The following ANKS1B variants were observed in gnomAD, a reference collection of about 807,000 sequenced individuals.
ANKS1B encodes the protein ankyrin repeat and sterile alpha motif domain containing 1B, also known as ankyrin repeat and sterile alpha motif domain-containing protein 1B.
Under a neutral mutation model 148.3 loss-of-function variants are expected in ANKS1B, and 36 were observed. The ratio of observed to expected loss-of-function variants is 0.24; its 90% CI spans 0.19 to 0.32. The LOEUF is 0.32. ANKS1B is among the 10% of genes least tolerant of loss of function. ANKS1B has a pLI of 1.00. For synonymous variants in ANKS1B, 542 were observed against 560.8 expected, an observed-to-expected ratio of 0.97 and a Z score of 0.47; for missense variants, 1,157 against 1,542.6, an observed-to-expected ratio of 0.75 and a Z score of 4.19.
chr12:99,239,575 A>C (rs907295510), intron 14 of ANKS1B, among the ~76,000 whole-genome samples: 1 of 152,208 alleles, frequency 6.6e-6, no homozygotes, highest in Non-Finnish European at 1.5e-5. Flanking sequence ...AACACCACAA[A>C]GATACTCCTC....
At chr12:99,869,513 AAAT>A (rs2091212446) in intron 1 of ANKS1B, among the ~76,000 whole-genome samples, 1 of 151,890 alleles carries the variant, frequency 6.6e-6, no homozygotes, top group Non-Finnish European at 1.5e-5. Context: ...TCTCTACTAA[AAAT>A]AATAATAATA....
chr12:99,371,674 A>G (rs535424268), intron 12 of ANKS1B, among the ~76,000 whole-genome samples: 1 of 152,180 alleles, frequency 6.6e-6, no homozygotes, highest in African/African-American at 2.4e-5. Flanking sequence ...GAACCTTCCA[A>G]ATTCTTCAGT....
At chr12:99,831,230 CAAAA>C (rs546884271) in intron 1 of ANKS1B, among the ~76,000 whole-genome samples, 2 of 83,888 alleles carry the variant, frequency 2.4e-5, no homozygotes, top group Non-Finnish European at 5.4e-5. Flanking sequence ...TCAAAGAAAG[CAAAA>C]AAAAAAAAAA....
chr12:99,680,676 G>T (rs969701385), intron 8 of ANKS1B, among the ~76,000 whole-genome samples: 4 of 152,152 alleles, frequency 2.6e-5, no homozygotes, highest in Non-Finnish European at 5.9e-5. Context: ...CAGAAACTGC[G>T]GCAGGCAGGG....
intron 13 of ANKS1B, among the ~76,000 whole-genome samples, chr12:99,244,856 G>A (rs1228482370): frequency 6.6e-6 from 1 of 152,096 alleles, no homozygotes; most frequent in African/African-American, 2.4e-5. Flanking sequence ...CAGGAGCAAA[G>A]TTTTCTGTTT....
At chr12:99,938,699 G>A (rs150150804) in intron 1 of ANKS1B, among the ~76,000 whole-genome samples, 12 of 152,212 alleles carry the variant, frequency 7.9e-5, no homozygotes, top group East Asian at 3.9e-4. Flanking sequence ...AGATTCAAGC[G>A]GCAATTTGCC....
At chr12:99,451,226 TAAC>T (rs148486621) in intron 10 of ANKS1B, among the ~76,000 whole-genome samples, 2,232 of 152,314 alleles carry the variant, frequency 0.015, 73 homozygotes, top group African/African-American at 0.051. Flanking sequence ...TAGTCTATAA[TAAC>T]AACATTAGAA....
intron 15 of ANKS1B, among the ~76,000 whole-genome samples, chr12:99,115,932 C>CAAAAAA (rs60585792): frequency 6.1e-5 from 4 of 65,048 alleles, no homozygotes; most frequent in Non-Finnish European, 1.0e-4. Context: ...GACTCCGTCT[C>CAAAAAA]AAAAAAAAAA....
intron 18 of ANKS1B, among the ~76,000 whole-genome samples, chr12:98,830,717 G>A (rs2099301009): frequency 6.6e-6 from 1 of 152,128 alleles, no homozygotes; most frequent in South Asian, 2.1e-4. Flanking sequence ...AGCAGAGTGG[G>A]CACCCCACAG....
chr12:98,867,788 G>A lies in ANKS1B; in HGVS notation c.2779-35652C>T, dbSNP rs190228517. 1.1e-3 allele frequency among the ~76,000 whole-genome samples: 162 copies of A among 151,970 alleles called. 2 individuals carry two copies. Among genetic ancestry groups the A allele is most frequent in the African/African-American group, 3.8e-3 (157 of 41,452 alleles). Reference sequence around the variant, plus strand: ...GAGGCAGGAGAATGGTGTGGACCCGGGAGGAGGAGCTTGCAGTGAGCCGAG... The same window carrying A: ...GAGGCAGGAGAATGGTGTGGACCCGAGAGGAGGAGCTTGCAGTGAGCCGAG... On this transcript the variant is annotated intron_variant, in intron 17 of 26. Coordinates refer to ENST00000683438, the MANE Select transcript of ANKS1B (RefSeq NM_001352186.2).
chr12:99,171,290 CA>C (rs1291671632), intron 14 of ANKS1B, among the ~76,000 whole-genome samples: 1 of 152,062 alleles, frequency 6.6e-6, no homozygotes, highest in Non-Finnish European at 1.5e-5. Context: ...TAAGAATTAG[CA>C]GGAAAAGAGA....
intron 17 of ANKS1B, among the ~76,000 whole-genome samples, chr12:98,981,897 G>T (rs1465069005): frequency 6.6e-6 from 1 of 152,170 alleles, no homozygotes; most frequent in Non-Finnish European, 1.5e-5. Flanking sequence ...ATACTGAACG[G>T]ATTTTCCTAA....
At chr12:98,804,999 A>G (rs1186702955) in intron 20 of ANKS1B, among the ~76,000 whole-genome samples, 2 of 152,226 alleles carry the variant, frequency 1.3e-5, no homozygotes, top group African/African-American at 2.4e-5. Context: ...TAACAACGCA[A>G]TATTTCATTA....
chr12:99,822,062 T>A (rs532076737), intron 2 of ANKS1B, among the ~76,000 whole-genome samples: 2 of 152,118 alleles, frequency 1.3e-5, no homozygotes, highest in South Asian at 4.1e-4. Flanking sequence ...AAGTTTATAA[T>A]AGTTTATGTA....
At chr12:99,380,489 G>A (rs1262999942) in intron 12 of ANKS1B, among the ~76,000 whole-genome samples, 1 of 152,092 alleles carries the variant, frequency 6.6e-6, no homozygotes, top group East Asian at 1.9e-4. Flanking sequence ...AAGAAAGGCA[G>A]GAACTTTGTT....
intron 10 of ANKS1B, among the ~76,000 whole-genome samples, chr12:99,481,924 GGATAC>G (rs1348512193): frequency 2.0e-5 from 3 of 151,806 alleles, no homozygotes; most frequent in Admixed American, 2.0e-4. Flanking sequence ...TGTAGATTCT[GGATAC>G]TAGTCCTTTG....
At position 99,504,339 on chromosome 12, in the gene ANKS1B, G is replaced by GA. The variant is rs532384668; in HGVS notation, c.1438+136dup. On this transcript the variant is annotated intron_variant, in intron 10 of 26. Transcript: ENST00000683438. ...GACCTACCTGGACTCACTTCAAAAT[G>GA]AAAAAATAATTATTGGAACTACATT... 2.9e-4 allele frequency: 260 copies of GA among 894,922 alleles called. No homozygotes were observed. The African/African-American group carries it at 4.0e-3, about 14-fold the overall frequency. 55.4% of individuals were successfully genotyped at this position (894,922 alleles called of 1,614,324 possible).
intron 1 of ANKS1B, among the ~76,000 whole-genome samples, chr12:99,941,080 C>G (rs181456189): frequency 6.6e-6 from 1 of 152,108 alleles, no homozygotes; most frequent in Non-Finnish European, 1.5e-5. Flanking sequence ...AGCAGAATAT[C>G]TGGTATGTCA....
intron 8 of ANKS1B, among the ~76,000 whole-genome samples, chr12:99,729,012 A>G (rs144053633): frequency 6.6e-6 from 1 of 152,324 alleles, no homozygotes; most frequent in East Asian, 1.9e-4. Context: ...AATTCATGTG[A>G]GTTGCTCTAC....
Sources: allele counts gnomAD v4.1 joint callset (sites outside exome capture counted in the v4.1 genomes callset), GRCh38; gene constraint gnomAD v4.1.1; transcripts MANE v1.5; gene names NCBI Gene and HGNC (gene_info 2026-07-23, HGNC 2026-07-21).